The following DACH1 variants were observed in gnomAD, a reference collection of about 807,000 sequenced individuals.
DACH1 encodes the protein dachshund homolog 1.
In DACH1, 12 loss-of-function variants were observed where a neutral mutation model predicts 54.2. The ratio of observed to expected loss-of-function variants is 0.22; its 90% confidence interval spans 0.14 to 0.36. The LOEUF is 0.36. DACH1 is among the 10% of genes least tolerant of loss of function. DACH1 has a pLI of 1.00. For synonymous variants in DACH1, 386 were observed against 366.2 expected, an observed-to-expected ratio of 1.05 and a Z score of -0.62; for missense variants, 805 against 929.8, an observed-to-expected ratio of 0.87 and a Z score of 1.75.
chr13:71,499,434 C>T (rs1203322763), intron 6 of DACH1, among the ~76,000 whole-genome samples: 2 of 152,062 alleles, frequency 1.3e-5, no homozygotes, highest in African/African-American at 4.8e-5. Context: ...AAGAGCACAA[C>T]GGAAACAATC....
At chr13:71,757,015 G>C (rs1274295960) in intron 1 of DACH1, among the ~76,000 whole-genome samples, 3 of 152,074 alleles carry the variant, frequency 2.0e-5, no homozygotes, top group Non-Finnish European at 2.9e-5. Context: ...TTTTTGTTAA[G>C]TACAATTCAA....
intron 10 of DACH1, among the ~76,000 whole-genome samples, chr13:71,469,131 C>T (rs1238530391): frequency 2.0e-5 from 3 of 152,022 alleles, no homozygotes; most frequent in Non-Finnish European, 2.9e-5. Context: ...ACCCAGAAAC[C>T]CCATTAACTA....
intron 2 of DACH1, among the ~76,000 whole-genome samples, chr13:71,660,305 A>AT (rs1879405233): frequency 6.6e-6 from 1 of 152,096 alleles, no homozygotes; most frequent in Non-Finnish European, 1.5e-5. Flanking sequence ...TCACCTGCTT[A>AT]ATGTTAGAAG....
intron 1 of DACH1, among the ~76,000 whole-genome samples, chr13:71,697,671 T>A (rs1407331542): frequency 6.6e-6 from 1 of 152,232 alleles, no homozygotes; most frequent in Non-Finnish European, 1.5e-5. Context: ...CAATTTTTAA[T>A]TATATTATTT....
At chr13:71,619,989 C>G (rs981119694) in intron 3 of DACH1, among the ~76,000 whole-genome samples, 2 of 151,812 alleles carry the variant, frequency 1.3e-5, no homozygotes, top group African/African-American at 4.8e-5. Context: ...AAACATGTGC[C>G]TGTGTGTGTT....
intron 10 of DACH1, among the ~76,000 whole-genome samples, chr13:71,450,094 G>A (rs1874888646): frequency 6.6e-6 from 1 of 151,508 alleles, no homozygotes; most frequent in Non-Finnish European, 1.5e-5. Flanking sequence ...ATCATCTAAA[G>A]CTGTAAAACA....
At chr13:71,793,538 T>C (rs1211732136) in intron 1 of DACH1, among the ~76,000 whole-genome samples, 1 of 152,208 alleles carries the variant, frequency 6.6e-6, no homozygotes, top group Non-Finnish European at 1.5e-5. Context: ...TCTATTTATT[T>C]TTTTCTTTCT....
chr13:71,675,329 C>T, intron 2 of DACH1: 9 of 1,588,704 alleles, frequency 5.7e-6, no homozygotes, highest in Non-Finnish European at 6.9e-6. Context: ...CAGAGCGCAG[C>T]TATCGGTGCT....
chr13:71,464,834 T>A (rs780034983), intron 10 of DACH1: 15 of 390,084 alleles, frequency 3.8e-5, no homozygotes, highest in Non-Finnish European at 6.4e-5. Context: ...ATGTTTAGTA[T>A]CAAGAGAAAT....
chr13:71,525,659 T>A (rs1881905286), intron 6 of DACH1, among the ~76,000 whole-genome samples: 1 of 152,164 alleles, frequency 6.6e-6, no homozygotes, highest in African/African-American at 2.4e-5. Flanking sequence ...TTTAAGTATT[T>A]GTCAGGCTGG....
At position 71,463,619 on chromosome 13, in the gene DACH1, A is replaced by G. The variant is rs149006377; in HGVS notation, c.2083+11522T>C. Among the ~76,000 whole-genome samples the G allele has an allele frequency of 4.9e-3, 745 of 152,108 alleles. 5 individuals carry two copies. Among genetic ancestry groups the G allele is most frequent in the African/African-American group, 0.017 (718 of 41,556 alleles). ...GTTTGAGTCCAAGTGACTTACATCT[A>G]TGTACCTCAGTTTCGTCAAATATAA... On this transcript the variant is annotated intron_variant, in intron 10 of 10. Coordinates refer to ENST00000613252, the MANE Select transcript of DACH1 (RefSeq NM_080759.6).
rs369755507 is a variant in DACH1, at chr13:71,563,678, G to T, written c.1300-3723C>A. On this transcript the variant is annotated intron_variant, in intron 4 of 10. Coordinates refer to ENST00000613252, the MANE Select transcript of DACH1 (RefSeq NM_080759.6). ...ATACTAAGTAAAAATAAATTAGATT[G>T]AAATCTTTATGTAAAATGCATTTTA... is the stretch of plus-strand genomic sequence containing the variant. 3.9e-4 allele frequency among the ~76,000 whole-genome samples: 59 copies of T among 151,760 alleles called. No individual in the cohort carries two copies. In the East Asian group the frequency reaches 0.01, roughly 26 times the overall value.
At chr13:71,667,435 C>T (rs1184331418) in intron 2 of DACH1, among the ~76,000 whole-genome samples, 2 of 152,110 alleles carry the variant, frequency 1.3e-5, no homozygotes, top group African/African-American at 4.8e-5. Flanking sequence ...ATAATGCTGA[C>T]AGTTTTTATG....
chr13:71,808,087 C>T (rs1887580723), intron 1 of DACH1, among the ~76,000 whole-genome samples: 2 of 152,276 alleles, frequency 1.3e-5, no homozygotes, highest in South Asian at 4.1e-4. Context: ...GACATCACCA[C>T]CCAACCTGGA....
At position 71,462,831 on chromosome 13, in the gene DACH1, A is replaced by G. The variant is rs181733289; in HGVS notation, c.2083+12310T>C. Among the ~76,000 whole-genome samples the G allele has an allele frequency of 4.3e-4, 65 of 151,678 alleles. 2 individuals are homozygous for G. The highest frequency in any genetic ancestry group is 1.8e-3 in the Admixed American group (27 of 15,184). ...ATTATACAGTTAACAGCAGCATGGGAATTTGAACCCAGGAATTCCAGGTCT... is the reference window on the plus strand; with the variant it reads ...ATTATACAGTTAACAGCAGCATGGGGATTTGAACCCAGGAATTCCAGGTCT... On this transcript the variant is annotated intron_variant, in intron 10 of 10. Coordinates refer to ENST00000613252, the MANE Select transcript of DACH1 (RefSeq NM_080759.6).
At chr13:71,603,309 A>T (rs1193353516) in intron 3 of DACH1, among the ~76,000 whole-genome samples, 1 of 151,988 alleles carries the variant, frequency 6.6e-6, no homozygotes. Context: ...TGTACAGACT[A>T]AAAACAATCG....
At chr13:71,565,975 G>T (rs569814867) in intron 4 of DACH1, among the ~76,000 whole-genome samples, 1 of 152,066 alleles carries the variant, frequency 6.6e-6, no homozygotes, top group Non-Finnish European at 1.5e-5. Flanking sequence ...GAATACTGGC[G>T]TCTTAATTAA....
At chr13:71,619,844 T>C (rs887435792) in intron 3 of DACH1, among the ~76,000 whole-genome samples, 3 of 151,918 alleles carry the variant, frequency 2.0e-5, no homozygotes, top group Non-Finnish European at 2.9e-5. Flanking sequence ...TATGTACTAA[T>C]AGAAATAGGA....
At chr13:71,577,984 T>C (rs1244572948) in intron 3 of DACH1, among the ~76,000 whole-genome samples, 1 of 152,156 alleles carries the variant, frequency 6.6e-6, no homozygotes, top group East Asian at 1.9e-4. Context: ...GTCCACAGTA[T>C]TTCTATGCAT....
Sources: gnomAD v4.1 joint callset for allele counts (sites outside exome capture counted in the v4.1 genomes callset) on GRCh38, gnomAD v4.1.1 for gene constraint, MANE v1.5 for transcripts, NCBI Gene and HGNC (gene_info 2026-07-23, HGNC 2026-07-21) for gene names.